The following SGMS1 variants were observed in gnomAD, a reference collection of about 807,000 sequenced individuals.
The protein encoded by SGMS1 is sphingomyelin synthase 1.
In SGMS1, 13 loss-of-function variants were observed where a neutral mutation model predicts 46.2. That is an observed-to-expected ratio of 0.28 (90% CI 0.18 to 0.45). The LOEUF is 0.45. SGMS1 is among the 20% of genes least tolerant of loss of function. SGMS1 has a pLI of 1.00. For synonymous variants in SGMS1, 203 were observed against 187.8 expected, an observed-to-expected ratio of 1.08 and a Z score of -0.66; for missense variants, 324 against 519.9, an observed-to-expected ratio of 0.62 and a Z score of 3.66.
At chr10:50,593,142 C>T (rs1175503956) in intron 1 of SGMS1, among the ~76,000 whole-genome samples, 4 of 152,234 alleles carry the variant, frequency 2.6e-5, no homozygotes, top group Non-Finnish European at 5.9e-5. Context: ...TGGGAAAGAA[C>T]TGAGGCCTCT....
At chr10:50,370,219 A>G (rs1848413374) in intron 6 of SGMS1, among the ~76,000 whole-genome samples, 1 of 152,148 alleles carries the variant, frequency 6.6e-6, no homozygotes, top group South Asian at 2.1e-4. Context: ...AATTTATTTA[A>G]AAGTTTTTCT....
chr10:50,362,736 T>C (rs935869350), intron 6 of SGMS1, among the ~76,000 whole-genome samples: 2 of 152,126 alleles, frequency 1.3e-5, no homozygotes, highest in African/African-American at 4.8e-5. Flanking sequence ...AATTTGATCA[T>C]ATAAAACAGG....
chr10:50,580,088 T>C (rs1214033095), intron 2 of SGMS1, among the ~76,000 whole-genome samples: 1 of 152,168 alleles, frequency 6.6e-6, no homozygotes, highest in Non-Finnish European at 1.5e-5. Flanking sequence ...ACAATTTGTG[T>C]GTGTGCAGAA....
At chr10:50,312,971 A>C (rs1480368166) in intron 8 of SGMS1, among the ~76,000 whole-genome samples, 1 of 152,206 alleles carries the variant, frequency 6.6e-6, no homozygotes. Context: ...TATTGAGAGG[A>C]GTTTCATAAC....
At position 50,311,456 on chromosome 10, in the gene SGMS1, C is replaced by T. The variant is rs201784161; in HGVS notation, c.742-41G>A. Reference sequence around the variant, plus strand: ...AAAAGAAGAAAAAGAAGATTCATTACGAGCCCACATGAAAATGTGCGAAGA... The same window carrying T: ...AAAAGAAGAAAAAGAAGATTCATTATGAGCCCACATGAAAATGTGCGAAGA... On this transcript the variant is annotated intron_variant, in intron 8 of 10. Coordinates refer to ENST00000361781, the MANE Select transcript of SGMS1 (RefSeq NM_147156.4). 38 of 1,593,916 alleles carry T rather than the reference C, an allele frequency of 2.4e-5. No individual in the cohort carries two copies. The East Asian group carries it at 3.8e-4, about 16-fold the overall frequency.
intron 1 of SGMS1, among the ~76,000 whole-genome samples, chr10:50,617,607 G>C (rs897293254): frequency 6.6e-6 from 1 of 151,996 alleles, no homozygotes; most frequent in Admixed American, 6.5e-5. Flanking sequence ...TATGAGACAG[G>C]GTCTCACTCT....
At chr10:50,440,115 G>T (rs1849522874) in intron 5 of SGMS1, among the ~76,000 whole-genome samples, 1 of 152,034 alleles carries the variant, frequency 6.6e-6, no homozygotes, top group South Asian at 2.1e-4. Context: ...TTTTCTTCTA[G>T]AAACTTCCAT....
At chr10:50,405,146 G>A (rs541023955) in intron 6 of SGMS1, among the ~76,000 whole-genome samples, 1 of 151,938 alleles carries the variant, frequency 6.6e-6, no homozygotes, top group East Asian at 1.9e-4. Flanking sequence ...GTATACTAAC[G>A]ATGTACATGC....
intron 5 of SGMS1, among the ~76,000 whole-genome samples, chr10:50,438,251 A>G (rs1339614872): frequency 6.6e-6 from 1 of 152,188 alleles, no homozygotes; most frequent in Non-Finnish European, 1.5e-5. Context: ...CTTGTAGCCA[A>G]TAGAATAAGG....
chr10:50,420,747 T>C (rs1264770996), intron 6 of SGMS1, among the ~76,000 whole-genome samples: 1 of 152,178 alleles, frequency 6.6e-6, no homozygotes, highest in African/African-American at 2.4e-5. Flanking sequence ...TATGAACAAC[T>C]CCATAAACTT....
intron 3 of SGMS1, among the ~76,000 whole-genome samples, chr10:50,481,561 T>C (rs561786808): frequency 2.0e-5 from 3 of 152,228 alleles, no homozygotes; most frequent in African/African-American, 7.2e-5. Flanking sequence ...TGAAGGTAGA[T>C]AGAGAAAGAA....
At chr10:50,327,128 C>T in intron 8 of SGMS1, 77 bp downstream of exon 8, 2 of 828,606 alleles carry the variant, frequency 2.4e-6, no homozygotes, top group South Asian at 3.1e-5. Context: ...AAACGTTTTC[C>T]TGCAACCTCA....
At chr10:50,485,714 A>C (rs1252919208) in intron 3 of SGMS1, among the ~76,000 whole-genome samples, 1 of 152,202 alleles carries the variant, frequency 6.6e-6, no homozygotes, top group Non-Finnish European at 1.5e-5. Context: ...AGCCTGGCCA[A>C]TGTGGTGAAA....
rs543617521 is a variant in SGMS1 at position 50,577,915 on chromosome 10, C to G, written c.-589+12238G>C. ...AAGGGGACTTCTGTTATCTAATCAGCGCCAGGGCCAGAAATGACCATGTTG... is the reference window on the plus strand; with the variant it reads ...AAGGGGACTTCTGTTATCTAATCAGGGCCAGGGCCAGAAATGACCATGTTG... On this transcript the variant is annotated intron_variant, in intron 2 of 10. Transcript: ENST00000361781. Among the ~76,000 whole-genome samples the G allele has an allele frequency of 5.9e-5, 9 of 152,300 alleles. No homozygotes were observed. In the South Asian group the frequency reaches 1.7e-3, roughly 28 times the overall value.
chr10:50,399,388 GA>G (rs1848896857), intron 6 of SGMS1, among the ~76,000 whole-genome samples: 1 of 152,092 alleles, frequency 6.6e-6, no homozygotes, highest in African/African-American at 2.4e-5. Flanking sequence ...AAATAATATA[GA>G]AAAAATATGA....
intron 6 of SGMS1, among the ~76,000 whole-genome samples, chr10:50,369,163 G>A (rs1255936595): frequency 1.3e-5 from 2 of 152,202 alleles, no homozygotes; most frequent in Non-Finnish European, 2.9e-5. Flanking sequence ...AATATGAAGA[G>A]CAGATATTTT....
chr10:50,353,085 T>C (rs1239301996), intron 6 of SGMS1, among the ~76,000 whole-genome samples: 1 of 152,232 alleles, frequency 6.6e-6, no homozygotes, highest in Non-Finnish European at 1.5e-5. Context: ...CTAACTCATT[T>C]GATAAGGCCA....
chr10:50,420,760 C>T (rs1021318128), intron 6 of SGMS1, among the ~76,000 whole-genome samples: 3 of 152,244 alleles, frequency 2.0e-5, no homozygotes, highest in South Asian at 2.1e-4. Flanking sequence ...ATAAACTTAA[C>T]ACTGCAGTCT....
At chr10:50,393,381 C>T (rs61739586) in intron 6 of SGMS1, among the ~76,000 whole-genome samples, 17,836 of 152,102 alleles carry the variant, frequency 0.12, 1,187 homozygotes, top group Middle Eastern at 0.21. Context: ...CCAACCCTGA[C>T]GCACAAGAAT....
Sources: gnomAD v4.1 joint callset for allele counts (sites outside exome capture counted in the v4.1 genomes callset) on GRCh38, gnomAD v4.1.1 for gene constraint, MANE v1.5 for transcripts, NCBI Gene and HGNC (gene_info 2026-07-23, HGNC 2026-07-21) for gene names.